FSTL4: variants seen among roughly 807,000 people sequenced by gnomAD.
FSTL4 encodes follistatin-related protein 4.
Under a neutral mutation model 78.2 loss-of-function variants are expected in FSTL4, and 28 were observed. The ratio of observed to expected loss-of-function variants is 0.36; its 90% CI spans 0.27 to 0.49. The LOEUF (loss-of-function observed/expected upper bound fraction) is 0.49. FSTL4 is among the 20% of genes least tolerant of loss of function. FSTL4 has a pLI of 0.98. For synonymous variants in FSTL4, 422 were observed against 440.5 expected (o/e 0.96, Z 0.53); for missense variants, 922 against 1,084.9 (o/e 0.85, Z 2.11).
At chr5:133,510,575 T>C (rs1758709118) in intron 3 of FSTL4, among the ~76,000 whole-genome samples, 2 of 152,082 alleles carry the variant, frequency 1.3e-5, no homozygotes, top group Non-Finnish European at 2.9e-5. Flanking sequence ...TTCAGGAAGA[T>C]CAATTTTTCC....
chr5:133,569,099 AT>A (rs1161554769), intron 2 of FSTL4, among the ~76,000 whole-genome samples: 1 of 152,206 alleles, frequency 6.6e-6, no homozygotes, highest in South Asian at 2.1e-4. Context: ...ATTTAAAAAT[AT>A]TTTTTATATT....
At chr5:133,816,934 G>A in the FSTL4 span, among the ~76,000 whole-genome samples, 2 of 152,274 alleles carry the variant, frequency 1.3e-5, no homozygotes, top group East Asian at 3.9e-4. Flanking sequence ...GAGATCAGGG[G>A]TGTAAAGACT....
At chr5:133,462,528 G>A (rs1757612912) in intron 3 of FSTL4, among the ~76,000 whole-genome samples, 1 of 152,230 alleles carries the variant, frequency 6.6e-6, no homozygotes, top group Admixed American at 6.5e-5. Context: ...TGACTCTGGA[G>A]CCTCCACTTC....
chr5:133,772,512 C>T, the FSTL4 span, among the ~76,000 whole-genome samples: 10 of 152,072 alleles, frequency 6.6e-5, 1 homozygote, highest in Admixed American at 6.6e-4. Flanking sequence ...TAATAAAATA[C>T]CACCAACGGA....
chr5:133,677,078 A>C, the FSTL4 span, among the ~76,000 whole-genome samples: 1 of 152,228 alleles, frequency 6.6e-6, no homozygotes, highest in Non-Finnish European at 1.5e-5. Flanking sequence ...TGCTCACACA[A>C]ATTTAGTCTT....
chr5:133,635,010 G>C, the FSTL4 span, among the ~76,000 whole-genome samples: 2 of 151,994 alleles, frequency 1.3e-5, no homozygotes, highest in Non-Finnish European at 2.9e-5. Context: ...ATCCTTGGTG[G>C]AAGGTAAAGG....
chr5:133,239,284 A>G (rs1581558482), intron 7 of FSTL4, among the ~76,000 whole-genome samples: 3 of 139,732 alleles, frequency 2.1e-5, no homozygotes, highest in South Asian at 2.5e-4. Flanking sequence ...CTCCCAGAAG[A>G]GCACTGCTCC....
At chr5:133,817,136 A>G in the FSTL4 span, among the ~76,000 whole-genome samples, 1 of 152,238 alleles carries the variant, frequency 6.6e-6, no homozygotes, top group Admixed American at 6.5e-5. Context: ...CGCTGTGTTA[A>G]GCTTTTCACT....
intron 4 of FSTL4, among the ~76,000 whole-genome samples, chr5:133,369,330 C>A (rs1021496291): frequency 1.3e-5 from 2 of 152,204 alleles, no homozygotes; most frequent in Non-Finnish European, 2.9e-5. Flanking sequence ...GCAGCATGGG[C>A]GGTCCCTCTG....
At chr5:133,390,606 C>T (rs1037264847) in intron 4 of FSTL4, among the ~76,000 whole-genome samples, 3 of 152,240 alleles carry the variant, frequency 2.0e-5, no homozygotes, top group Admixed American at 2.0e-4. Context: ...GTTCTCCTGG[C>T]TGAGGACTCA....
At chr5:133,731,969 C>G in the FSTL4 span, among the ~76,000 whole-genome samples, 7 of 152,262 alleles carry the variant, frequency 4.6e-5, no homozygotes, top group African/African-American at 1.7e-4. Context: ...CAGGAGAGGT[C>G]CAGCTCAGGC....
At chr5:133,309,305 G>C (rs967080499) in intron 6 of FSTL4, among the ~76,000 whole-genome samples, 2 of 152,176 alleles carry the variant, frequency 1.3e-5, no homozygotes, top group African/African-American at 4.8e-5. Context: ...TTAGTTCCTA[G>C]ATCAGCCTGT....
chr5:133,207,241 C>T (rs1484279729), intron 14 of FSTL4, among the ~76,000 whole-genome samples: 1 of 152,166 alleles, frequency 6.6e-6, no homozygotes, highest in African/African-American at 2.4e-5. Context: ...GTTAATCACT[C>T]TTGTTTTACG....
Position 133,611,773 on chromosome 5 carries a change from G to A in FSTL4, c.-11+552C>T, listed in dbSNP as rs1761098862. 6.6e-6 allele frequency among the ~76,000 whole-genome samples: 1 copy of A among 152,170 alleles called. No individual in the cohort carries two copies. Among genetic ancestry groups the A allele is most frequent in the Admixed American group, 6.5e-5 (1 of 15,290 alleles). ...AGCCAGGGCCAGGCGAAGCGCAGCGGGCCCTTTGGGCTGCAGCGAGGAGAC... is the reference window on the plus strand; with the variant it reads ...AGCCAGGGCCAGGCGAAGCGCAGCGAGCCCTTTGGGCTGCAGCGAGGAGAC... On this transcript the variant is annotated intron_variant, in intron 1 of 15. Coordinates refer to ENST00000265342, the MANE Select transcript of FSTL4 (RefSeq NM_015082.2). This position sits in a 1 kb window ranked among gnomAD's most constrained non-coding sequence, Gnocchi z 4.9.
At chr5:133,812,216 T>C in the FSTL4 span, among the ~76,000 whole-genome samples, 3 of 152,210 alleles carry the variant, frequency 2.0e-5, no homozygotes, top group Non-Finnish European at 4.4e-5. Context: ...CTACCATGTC[T>C]TGCCTGGGAG....
chr5:133,547,762 A>T (rs936200026), intron 3 of FSTL4, among the ~76,000 whole-genome samples: 1 of 152,212 alleles, frequency 6.6e-6, no homozygotes, highest in Non-Finnish European at 1.5e-5. Context: ...AGATGATCAG[A>T]TTTGGCAACC....
At chr5:133,833,110 C>T in the FSTL4 span, among the ~76,000 whole-genome samples, 1 of 152,308 alleles carries the variant, frequency 6.6e-6, no homozygotes, top group South Asian at 2.1e-4. Context: ...ATCCCCTCTC[C>T]CTGCTGAGAC....
At chr5:133,713,792 T>A in the FSTL4 span, among the ~76,000 whole-genome samples, 2 of 152,156 alleles carry the variant, frequency 1.3e-5, no homozygotes, top group African/African-American at 4.8e-5. Flanking sequence ...CTAGAAGAGA[T>A]GGGATAGCTC....
At chr5:133,826,342 G>A in the FSTL4 span, among the ~76,000 whole-genome samples, 1 of 152,222 alleles carries the variant, frequency 6.6e-6, no homozygotes, top group African/African-American at 2.4e-5. Flanking sequence ...TTAGTTTCCT[G>A]TGGCTGCCAT....
Sources: gnomAD v4.1 joint callset for allele counts (sites outside exome capture counted in the v4.1 genomes callset) on GRCh38, gnomAD v4.1.1 for gene constraint, Gnocchi (gnomAD v3.1) non-coding constraint, MANE v1.5 for transcripts, NCBI Gene and HGNC (gene_info 2026-07-23, HGNC 2026-07-21) for gene names.